The following PPP2R2B variants were observed in gnomAD, a reference collection of about 807,000 sequenced individuals.
PPP2R2B encodes serine/threonine-protein phosphatase 2A 55 kDa regulatory subunit B beta isoform.
Under a neutral mutation model 46.0 loss-of-function variants are expected in PPP2R2B, and 5 were observed. The observed-to-expected ratio is 0.11, with a 90% CI of 0.06 to 0.23. The LOEUF (loss-of-function observed/expected upper bound fraction) is 0.23. PPP2R2B is among the 10% of genes least tolerant of loss of function. The pLI is 1.00. For missense variants in PPP2R2B, 367 were observed against 575.0 expected (o/e 0.64, Z 3.70); for synonymous variants, 215 against 206.7 (o/e 1.04, Z -0.34).
intron 2 of PPP2R2B, among the ~76,000 whole-genome samples, chr5:146,842,574 T>C (rs879456825): frequency 5.3e-5 from 8 of 151,338 alleles, no homozygotes; most frequent in Admixed American, 2.6e-4. Flanking sequence ...GTTTGTTACA[T>C]AGATTATTTC....
At chr5:146,725,528 T>C (rs1346930635) in intron 2 of PPP2R2B, among the ~76,000 whole-genome samples, 1 of 152,196 alleles carries the variant, frequency 6.6e-6, no homozygotes, top group African/African-American at 2.4e-5. Context: ...CTTCTATAAG[T>C]TGAAGGTGTT....
intron 4 of PPP2R2B, among the ~76,000 whole-genome samples, chr5:146,697,121 A>AT (rs368442816): frequency 1.4e-4 from 22 of 152,326 alleles, no homozygotes; most frequent in African/African-American, 5.1e-4. Context: ...TAAAATGTAT[A>AT]TTCCTCATAG....
At chr5:146,866,773 G>A (rs1047254469) in intron 2 of PPP2R2B, among the ~76,000 whole-genome samples, 8 of 152,096 alleles carry the variant, frequency 5.3e-5, no homozygotes, top group African/African-American at 1.9e-4. Flanking sequence ...TACATTGCAA[G>A]CACTCAGTAT....
intron 5 of PPP2R2B, among the ~76,000 whole-genome samples, chr5:146,653,936 C>T (rs1038292619): frequency 2.0e-5 from 3 of 152,148 alleles, no homozygotes; most frequent in African/African-American, 7.2e-5. Flanking sequence ...TGACTCCCCT[C>T]ACAAGGAGAA....
chr5:146,816,547 A>G (rs1334710737), intron 2 of PPP2R2B, among the ~76,000 whole-genome samples: 1 of 152,256 alleles, frequency 6.6e-6, no homozygotes, highest in East Asian at 1.9e-4. Context: ...TCAGAATATT[A>G]AATGAAATCA....
intron 2 of PPP2R2B, chr5:146,706,613 C>G (rs2151174971): frequency 1.2e-6 from 1 of 814,470 alleles, no homozygotes; most frequent in South Asian, 1.3e-5. Flanking sequence ...TGCGCTGCTC[C>G]GCATCTGCGA....
chr5:146,921,118 G>T (rs1763590213), intron 1 of PPP2R2B, among the ~76,000 whole-genome samples: 1 of 152,148 alleles, frequency 6.6e-6, no homozygotes. Flanking sequence ...TGTTAATTTT[G>T]CAAAACTAAT....
intron 2 of PPP2R2B, among the ~76,000 whole-genome samples, chr5:146,863,641 TATCCATCC>T (rs3062349): frequency 0.013 from 1,897 of 150,574 alleles, 33 homozygotes; most frequent in African/African-American, 0.039. Context: ...TCCATCCATC[TATCCATCC>T]ATCCATCCAT....
In PPP2R2B at chr5:146,706,837, G is replaced by A. The variant is rs114646410; in HGVS notation, c.71-5695C>T. 8.4e-4 allele frequency: 851 copies of A among 1,011,278 alleles called. 7 individuals are homozygous for A. The African/African-American group carries it at 0.012, about 15-fold the overall frequency. The allele number at this position is 1,011,278 out of a possible 1,614,324, so 62.6% of individuals were successfully genotyped here. A position where few individuals can be genotyped will look rare whatever the true frequency, so the allele number is the denominator to read the frequency against. On this transcript the variant is annotated intron_variant, in intron 2 of 9. Transcript: ENST00000394411. ...CCTCGTACTGTACCTTGACCTCAGC[G>A]ATGATGCTGTCCGTGTCCAGGGAGC...
At chr5:146,918,535 A>T (rs1387494884) in intron 1 of PPP2R2B, 1 of 152,170 alleles carries the variant, frequency 6.6e-6, no homozygotes, top group African/African-American at 2.4e-5. Context: ...TCCTTTAAGG[A>T]CTTCCCATTG....
At chr5:147,003,856 G>A (rs1754304332) in intron 1 of PPP2R2B, among the ~76,000 whole-genome samples, 1 of 152,052 alleles carries the variant, frequency 6.6e-6, no homozygotes, top group South Asian at 2.1e-4. Context: ...GCTATGGGAG[G>A]CCTTAAGAAA....
chr5:146,831,532 G>GT (rs1425907298), intron 2 of PPP2R2B, among the ~76,000 whole-genome samples: 2 of 144,460 alleles, frequency 1.4e-5, no homozygotes, highest in Non-Finnish European at 3.0e-5. Flanking sequence ...AAGCCTCTGG[G>GT]TTGATAGGTA....
chr5:146,842,511 T>G (rs10053699), intron 2 of PPP2R2B, among the ~76,000 whole-genome samples: 54,864 of 148,556 alleles, frequency 0.37, 12,777 homozygotes, highest in African/African-American at 0.63. Context: ...AAGTTCAGGG[T>G]TACATGTGCA....
intron 2 of PPP2R2B, among the ~76,000 whole-genome samples, chr5:147,076,745 G>A (rs1489738366): frequency 1.3e-5 from 2 of 152,104 alleles, no homozygotes; most frequent in South Asian, 4.2e-4. Flanking sequence ...TGTTCTATTT[G>A]ATGTGATGCT....
chr5:146,924,796 GC>G (rs1763725568), intron 1 of PPP2R2B, among the ~76,000 whole-genome samples: 1 of 152,056 alleles, frequency 6.6e-6, no homozygotes, highest in Non-Finnish European at 1.5e-5. Flanking sequence ...ATCACAAGGA[GC>G]AAAAAGAATG....
intron 5 of PPP2R2B, among the ~76,000 whole-genome samples, chr5:146,653,970 C>A (rs2151098226): frequency 6.6e-6 from 1 of 152,252 alleles, no homozygotes; most frequent in East Asian, 1.9e-4. Flanking sequence ...GTGGTTCAAG[C>A]AGGACACGAT....
intron 8 of PPP2R2B, among the ~76,000 whole-genome samples, chr5:146,595,761 C>A (rs1411899248): frequency 6.6e-6 from 1 of 152,198 alleles, no homozygotes; most frequent in African/African-American, 2.4e-5. Context: ...ACATGAGCAA[C>A]CTCTAGAGCT....
In PPP2R2B at chr5:146,681,822, A is replaced by G. The variant is rs72811875; in HGVS notation, c.447+9306T>C. Reference sequence around the variant, plus strand: ...TAACAACCAAGGTTAGGGAAAGACAATGTGTCAGAGCCTGTAACACTATCA... The same window carrying G: ...TAACAACCAAGGTTAGGGAAAGACAGTGTGTCAGAGCCTGTAACACTATCA... On this transcript the variant is annotated intron_variant, in intron 5 of 9. Transcript: ENST00000394411. Among the ~76,000 whole-genome samples, 20 of 152,308 alleles carry G rather than the reference A, an allele frequency of 1.3e-4. No homozygotes were observed. The South Asian group carries it at 1.9e-3, about 14-fold the overall frequency.
intron 2 of PPP2R2B, among the ~76,000 whole-genome samples, chr5:146,770,514 G>A (rs890740120): frequency 4.0e-5 from 6 of 151,874 alleles, no homozygotes; most frequent in Admixed American, 2.6e-4. Context: ...TAAATGTATT[G>A]GGAAAATGTA....
Sources: allele counts gnomAD v4.1 joint callset (sites outside exome capture counted in the v4.1 genomes callset), GRCh38; gene constraint gnomAD v4.1.1; transcripts MANE v1.5; gene names NCBI Gene and HGNC (gene_info 2026-07-23, HGNC 2026-07-21).